WDTC1: variants seen among roughly 807,000 people sequenced by gnomAD.
WDTC1 encodes WD and tetratricopeptide repeats 1.
In WDTC1, 12 loss-of-function variants were observed where a neutral mutation model predicts 76.0. That is an observed-to-expected ratio of 0.16 (90% CI 0.10 to 0.26). WDTC1 has a LOEUF of 0.26. Among genes scored for constraint, WDTC1 ranks in the 10% least tolerant of loss-of-function variants. The pLI, the probability that WDTC1 is intolerant of heterozygous loss-of-function variation, is 1.00. For synonymous variants in WDTC1, 326 were observed against 350.8 expected (o/e 0.93, Z 0.79); for missense variants, 511 against 908.8 (o/e 0.56, Z 5.63).
intron 1 of WDTC1, among the ~76,000 whole-genome samples, chr1:27,242,705 G>A (rs1164035589): frequency 1.3e-5 from 2 of 152,116 alleles, no homozygotes; most frequent in African/African-American, 4.8e-5. Flanking sequence ...CTGACCTCAG[G>A]TGATTCACCC....
intron 3 of WDTC1, among the ~76,000 whole-genome samples, chr1:27,263,467 T>C (rs56882892): frequency 0.055 from 8,323 of 152,278 alleles, 802 homozygotes; most frequent in African/African-American, 0.19. Context: ...GAAGTCTCGC[T>C]CTGTCACCCA....
Position 27,234,793 on chromosome 1 carries a change from C to T in WDTC1, c.-258C>T. 2.5e-6 allele frequency: 1 copy of T among 397,752 alleles called. No homozygotes were observed. The highest frequency in any genetic ancestry group is 4.4e-6 in the Non-Finnish European group (1 of 225,830). The allele number at this position is 397,752 out of a possible 1,614,324, so 24.6% of individuals were successfully genotyped here. ...GAGGCGCTGTCCGGCCCCGGCCAGG[C>T]GCCGGGCGGGGAGCATGGGAAGGGG... On this transcript the variant is annotated 5_prime_UTR_variant, in exon 1 of 16. Coordinates refer to ENST00000319394, the MANE Select transcript of WDTC1 (RefSeq NM_001276252.2).
intron 3 of WDTC1, among the ~76,000 whole-genome samples, chr1:27,268,908 T>C (rs1375086027): frequency 4.0e-5 from 6 of 149,490 alleles, no homozygotes; most frequent in African/African-American, 1.5e-4. Flanking sequence ...AGAGATGGGG[T>C]TTCACTATGT....
intron 10 of WDTC1, 103 bp downstream of exon 10, chr1:27,296,504 C>T: frequency 8.1e-7 from 1 of 1,229,642 alleles, no homozygotes. Context: ...CCGTGATCCT[C>T]CAAAAATAGC....
At chr1:27,249,731 C>T (rs2011972693) in intron 1 of WDTC1, among the ~76,000 whole-genome samples, 2 of 152,068 alleles carry the variant, frequency 1.3e-5, no homozygotes, top group South Asian at 4.2e-4. Context: ...GATGCATGGC[C>T]ACCACACCTG....
At chr1:27,270,045 C>T (rs2012821948) in intron 3 of WDTC1, among the ~76,000 whole-genome samples, 1 of 151,392 alleles carries the variant, frequency 6.6e-6, no homozygotes, top group South Asian at 2.1e-4. Flanking sequence ...TTGGGTGATC[C>T]TCCTACCTCA....
chr1:27,298,620 A>G (rs573935207), intron 12 of WDTC1, among the ~76,000 whole-genome samples: 2 of 152,176 alleles, frequency 1.3e-5, no homozygotes, highest in South Asian at 2.1e-4. Context: ...AAAGCTGGCT[A>G]TGGGTCACGC....
At chr1:27,259,324 T>C (rs1034231232) in intron 1 of WDTC1, among the ~76,000 whole-genome samples, 1 of 87,578 alleles carries the variant, frequency 1.1e-5, no homozygotes, top group African/African-American at 5.9e-5. Context: ...CATGCCCAAC[T>C]TTTTTTTTTT....
intron 6 of WDTC1, among the ~76,000 whole-genome samples, chr1:27,289,444 G>A (rs1455900523): frequency 6.6e-6 from 1 of 150,720 alleles, no homozygotes; most frequent in Non-Finnish European, 1.5e-5. Context: ...GGGCAGAGAC[G>A]CTCCTCACTT....
Position 27,305,082 on chromosome 1 carries a change from G to A in WDTC1, c.1725G>A (p.Val575=). The A allele has an allele frequency of 6.2e-7, 1 of 1,614,064 alleles. No individual in the cohort carries two copies. The highest frequency in any genetic ancestry group is 8.5e-7 in the Non-Finnish European group (1 of 1,179,992). ...WEKETTNLVR[V]LQGDESIVNC... Reference sequence around the variant, plus strand: ...AGGAGACCACCAACCTGGTCCGTGTGCTCCAAGGGGATGAGTCCATTGTCA... The same window carrying A: ...AGGAGACCACCAACCTGGTCCGTGTACTCCAAGGGGATGAGTCCATTGTCA... Residue 575 remains valine, a synonymous_variant, in exon 15 of 16, where the codon GTG becomes GTA. Coordinates refer to ENST00000319394, the MANE Select transcript of WDTC1 (RefSeq NM_001276252.2). This position sits in a 1 kb window ranked among gnomAD's most constrained non-coding sequence, Gnocchi z 4.6.
intron 3 of WDTC1, among the ~76,000 whole-genome samples, chr1:27,279,709 G>A (rs2013137294): frequency 6.6e-6 from 1 of 152,064 alleles, no homozygotes; most frequent in Non-Finnish European, 1.5e-5. Flanking sequence ...TGGGACTACA[G>A]GTGCACGCCA....
At chr1:27,247,973 C>T (rs1033065472) in intron 1 of WDTC1, among the ~76,000 whole-genome samples, 2 of 152,166 alleles carry the variant, frequency 1.3e-5, no homozygotes, top group Non-Finnish European at 2.9e-5. Context: ...CCGCCTCGGC[C>T]TCCCAAAGTG....
At position 27,305,271 on chromosome 1, in the gene WDTC1, G is replaced by A; in HGVS notation, c.1836+78G>A. On this transcript the variant is annotated intron_variant, in intron 15 of 15. Transcript: ENST00000319394. The surrounding 1 kb of genome is among the most constrained non-coding windows in gnomAD (Gnocchi z 4.6). ...CAGTGGAGCCTGCTAGCGCAGGGAA[G>A]AGAAATGAGCCACCCAGAGGCTAGA... 6.7e-7 allele frequency: 1 copy of A among 1,500,046 alleles called. No individual in the cohort carries two copies. Among genetic ancestry groups the A allele is most frequent in the Non-Finnish European group, 8.9e-7 (1 of 1,124,218 alleles). 92.9% of individuals were successfully genotyped at this position (1,500,046 alleles called of 1,614,324 possible). A position where few individuals can be genotyped will look rare whatever the true frequency, so the allele number is the denominator to read the frequency against.
intron 1 of WDTC1, among the ~76,000 whole-genome samples, chr1:27,251,033 ATTTTTTTTTTTTTTTTT>A (rs71584875): frequency 1.3e-3 from 36 of 28,686 alleles, no homozygotes; most frequent in South Asian, 3.0e-3. Context: ...CTCCTGGCTA[ATTTTTTTTTTTTTTTTT>A]TTTTTTTTTT....
intron 1 of WDTC1, 22 bp downstream of exon 1, chr1:27,234,973 T>G: frequency 2.6e-6 from 1 of 382,810 alleles, no homozygotes; most frequent in Non-Finnish European, 4.6e-6. Flanking sequence ...CGCCGCCCCC[T>G]GCCCTCCGCG....
chr1:27,283,545 T>C, intron 5 of WDTC1, 96 bp downstream of exon 5: 2 of 1,063,782 alleles, frequency 1.9e-6, no homozygotes, highest in Non-Finnish European at 1.4e-6. Context: ...GTGTGTCCCA[T>C]ATACCGTCTA....
At chr1:27,290,022 G>T (rs1198904620) in intron 6 of WDTC1, among the ~76,000 whole-genome samples, 1 of 151,648 alleles carries the variant, frequency 6.6e-6, no homozygotes, top group Non-Finnish European at 1.5e-5. Context: ...GAGGGAGACC[G>T]TGGGGAGAGG....
At position 27,303,461 on chromosome 1, in the gene WDTC1, C is replaced by T. The variant is rs780860474; in HGVS notation, c.1469-160C>T. On this transcript the variant is annotated intron_variant, in intron 13 of 15. Coordinates refer to ENST00000319394, the MANE Select transcript of WDTC1 (RefSeq NM_001276252.2). This position sits in a 1 kb window ranked among gnomAD's most constrained non-coding sequence, Gnocchi z 4.8. The stretch of plus-strand genomic sequence containing the variant: ...TCCTCAGGGGCTAGATCCAAAGATG[C>T]ATCTTCCTCACAACCTTTCCCCAGT... Among the ~76,000 whole-genome samples, 1 of 152,206 alleles carries T rather than the reference C, an allele frequency of 6.6e-6. No individual in the cohort carries two copies.
intron 1 of WDTC1, among the ~76,000 whole-genome samples, chr1:27,235,238 C>A (rs2011469473): frequency 6.6e-6 from 1 of 152,140 alleles, no homozygotes; most frequent in African/African-American, 2.4e-5. Flanking sequence ...GGAAGTCATT[C>A]CATCATGGGA....
Sources: gnomAD v4.1 joint callset for allele counts (sites outside exome capture counted in the v4.1 genomes callset) on GRCh38, gnomAD v4.1.1 for gene constraint, Gnocchi (gnomAD v3.1) non-coding constraint, MANE v1.5 for transcripts, NCBI Gene and HGNC (gene_info 2026-07-23, HGNC 2026-07-21) for gene names.